The following ZNF428 variants were observed in gnomAD, a reference collection of about 807,000 sequenced individuals.
ZNF428 encodes enzyme-like protein PIT13.
ZNF428 carries 5 observed loss-of-function variants against 15.6 expected under a neutral mutation model. The ratio of observed to expected loss-of-function variants is 0.32; its 90% CI spans 0.17 to 0.67. ZNF428 has a LOEUF of 0.67. ZNF428 is among the 30% of genes least tolerant of loss of function. The pLI, the probability that ZNF428 is intolerant of heterozygous loss-of-function variation, is 0.73. For synonymous variants in ZNF428, 97 were observed against 102.2 expected (o/e 0.95, Z 0.31); for missense variants, 237 against 256.0 (o/e 0.93, Z 0.51).
In ZNF428 at chr19:43,612,408, C is replaced by T. The variant is rs775290946; in HGVS notation, c.76+1821G>A. The T allele has an allele frequency of 5.2e-6, 8 of 1,551,526 alleles. No homozygotes were observed. Among genetic ancestry groups the T allele is most frequent in the South Asian group, 2.4e-5 (2 of 84,054 alleles). ...GCAAGAACACCCAGCAGGGTGAGCA[C>T]CGACACCAGGACCAGCAAAGCCAGC... On this transcript the variant is annotated intron_variant, in intron 2 of 2. Transcript: ENST00000300811. The surrounding 1 kb of genome is among the most constrained non-coding windows in gnomAD (Gnocchi z 4.2).
intron 2 of ZNF428, among the ~76,000 whole-genome samples, chr19:43,610,119 C>T (rs1379042524): frequency 6.6e-6 from 1 of 151,950 alleles, no homozygotes; most frequent in Non-Finnish European, 1.5e-5. Flanking sequence ...CTCTCCATTC[C>T]ATGTCTCTTC....
At chr19:43,618,566 CTT>C (rs551668437) in intron 1 of ZNF428, among the ~76,000 whole-genome samples, 2,197 of 98,294 alleles carry the variant, frequency 0.022, 16 homozygotes, top group African/African-American at 0.079. Flanking sequence ...TTAATTTTTA[CTT>C]TTTTTTTTTT....
At chr19:43,614,825 T>C (rs1973355700) in intron 1 of ZNF428, among the ~76,000 whole-genome samples, 1 of 152,190 alleles carries the variant, frequency 6.6e-6, no homozygotes, top group Non-Finnish European at 1.5e-5. Context: ...CTCGAACTCC[T>C]GACCTCAGGT....
At chr19:43,608,161 C>A in intron 2 of ZNF428, 54 bp from the exon 3 acceptor site, 1 of 1,558,354 alleles carries the variant, frequency 6.4e-7, no homozygotes. Context: ...GAGGGCTAGG[C>A]CAAGCTGTCC....
chr19:43,613,947 G>C (rs1422292971), intron 2 of ZNF428: 2 of 1,551,680 alleles, frequency 1.3e-6, no homozygotes, highest in Non-Finnish European at 1.7e-6. Context: ...AGTCGACCTA[G>C]AGCCTCCAGC....
intron 2 of ZNF428, chr19:43,613,833 G>A (rs181599936): frequency 1.2e-3 from 1,850 of 1,549,412 alleles, no homozygotes; most frequent in Non-Finnish European, 1.4e-3. Context: ...GATCGCAGAC[G>A]ATGGAGAAGC....
intron 1 of ZNF428, 130 bp downstream of exon 1, chr19:43,619,428 G>C (rs1001894451): frequency 6.6e-6 from 1 of 152,280 alleles, no homozygotes; most frequent in African/African-American, 2.4e-5. Context: ...GGGAGAAAAA[G>C]AAGCCCTCGG....
intron 2 of ZNF428, chr19:43,613,729 T>C (rs1973337094): frequency 1.3e-6 from 2 of 1,551,136 alleles, no homozygotes; most frequent in East Asian, 2.4e-5. Context: ...GCAGACAATC[T>C]AGAAGCCCCA....
Position 43,608,022 on chromosome 19 carries a change from C to T in ZNF428, c.162G>A (p.Glu54=), listed in dbSNP as rs1194685175. 1.2e-6 allele frequency: 2 copies of T among 1,613,566 alleles called. No individual in the cohort carries two copies. The highest frequency in any genetic ancestry group is 2.2e-5 in the East Asian group (1 of 44,880). The change falls in exon 3 of 3, where the codon GAG becomes GAA. Residue 54 remains glutamate, a synonymous_variant. Transcript: ENST00000300811. The stretch of plus-strand genomic sequence containing the variant: ...GATCATATTCAGGATCGTCAGTGGT[C>T]TCCTCTTCCTCCTCCTCCTCATCTT... ...EEEDEEEEEE[E]TTDDPEYDPG...
rs889564355 is a variant in ZNF428, at chr19:43,619,032, A to G, written c.-131+526T>C. Reference sequence around the variant, plus strand: ...CAAACACAGTGCTGGAGACCCCACAATGCCCTGGGCCTATAGCAGTCAATT... The same window carrying G: ...CAAACACAGTGCTGGAGACCCCACAGTGCCCTGGGCCTATAGCAGTCAATT... On this transcript the variant is annotated intron_variant, in intron 1 of 2. Coordinates refer to ENST00000300811, the MANE Select transcript of ZNF428 (RefSeq NM_182498.4). Among the ~76,000 whole-genome samples, 4 of 152,166 alleles carry G rather than the reference A, an allele frequency of 2.6e-5. No homozygotes were observed. In the South Asian group the frequency reaches 8.3e-4, roughly 32 times the overall value.
At chr19:43,618,057 C>T (rs1973390547) in intron 1 of ZNF428, among the ~76,000 whole-genome samples, 1 of 89,806 alleles carries the variant, frequency 1.1e-5, no homozygotes. Flanking sequence ...TTTTTTGAGA[C>T]GGAGTCTTGC....
At chr19:43,608,843 G>A (rs1021237807) in intron 2 of ZNF428, among the ~76,000 whole-genome samples, 6 of 149,902 alleles carry the variant, frequency 4.0e-5, no homozygotes, top group Non-Finnish European at 7.4e-5. Flanking sequence ...CAGGAGAACT[G>A]CTTCAACCCA....
chr19:43,611,826 G>A lies in ZNF428; in HGVS notation c.76+2403C>T, dbSNP rs73935012. Among the ~76,000 whole-genome samples, 798 of 152,314 alleles carry A rather than the reference G, an allele frequency of 5.2e-3. 6 individuals carry two copies. Among genetic ancestry groups the A allele is most frequent in the African/African-American group, 0.018 (769 of 41,570 alleles). The stretch of plus-strand genomic sequence containing the variant: ...ACCCACTGACTATGGGCTCCTTGAA[G>A]GCAGGGCCTGGGTCTGCCCCATCTC... On this transcript the variant is annotated intron_variant, in intron 2 of 2. Coordinates refer to ENST00000300811, the MANE Select transcript of ZNF428 (RefSeq NM_182498.4).
intron 1 of ZNF428, among the ~76,000 whole-genome samples, chr19:43,615,037 G>A (rs967144043): frequency 7.2e-5 from 11 of 152,098 alleles, no homozygotes; most frequent in Non-Finnish European, 8.8e-5. Flanking sequence ...AGAGTGGAGC[G>A]GGACGGATAC....
chr19:43,618,247 A>T (rs560253719), intron 1 of ZNF428, among the ~76,000 whole-genome samples: 2 of 150,890 alleles, frequency 1.3e-5, no homozygotes, highest in South Asian at 2.1e-4. Flanking sequence ...GTTAGCCAGG[A>T]TGATCTCGAT....
rs954584002 is a variant in ZNF428 at position 43,608,959 on chromosome 19, T to A, written c.77-852A>T. On this transcript the variant is annotated intron_variant, in intron 2 of 2. Coordinates refer to ENST00000300811, the MANE Select transcript of ZNF428 (RefSeq NM_182498.4). ...AAAAAGCAAAAAAAAAAAAAAAAAA[T>A]TATTTGATTCTTTCGATTGATTGCA... is the stretch of plus-strand genomic sequence containing the variant. Among the ~76,000 whole-genome samples, 86 of 145,668 alleles carry A rather than the reference T, an allele frequency of 5.9e-4. 1 individual carries two copies. The highest frequency in any genetic ancestry group is 1.8e-3 in the African/African-American group (69 of 39,140).
rs1399969565 is a variant in ZNF428, at chr19:43,612,808, G to A, written c.76+1421C>T. The A allele has an allele frequency of 2.6e-6, 4 of 1,551,466 alleles. No individual in the cohort carries two copies. Among genetic ancestry groups the A allele is most frequent in the African/African-American group, 1.4e-5 (1 of 73,056 alleles). On this transcript the variant is annotated intron_variant, in intron 2 of 2. Transcript: ENST00000300811. This position sits in a 1 kb window ranked among gnomAD's most constrained non-coding sequence, Gnocchi z 4.2. ...CCCCGACTGGAATTCCCTCCAAGGA[G>A]AAGAGTGACAACCCATCTCCATCCT...
intron 1 of ZNF428, among the ~76,000 whole-genome samples, chr19:43,616,152 G>A (rs1015483660): frequency 2.0e-5 from 3 of 152,194 alleles, no homozygotes; most frequent in Non-Finnish European, 4.4e-5. Flanking sequence ...GCCAGGAACT[G>A]TGGATGAAAA....
In ZNF428 at chr19:43,614,283, C is replaced by A; in HGVS notation, c.22G>T (p.Ala8Ser). Residue 8 changes from alanine to serine, a missense_variant, in exon 2 of 3, where the codon GCT (alanine) becomes TCT (serine). Ala to Ser is a moderately conservative substitution (Grantham distance 99). Transcript: ENST00000300811. ...AAGCTGGCGTAGCCCCCAGTCTCAG[C>A]TGGCTCACGGGTCTCTGTCATGACC... MTETREP[A>S]ETGGYASLEE... 6.2e-7 allele frequency: 1 copy of A among 1,611,690 alleles called. No individual in the cohort carries two copies. Among genetic ancestry groups the A allele is most frequent in the Non-Finnish European group, 8.5e-7 (1 of 1,178,582 alleles).
Sources: allele counts gnomAD v4.1 joint callset (sites outside exome capture counted in the v4.1 genomes callset), GRCh38; gene constraint gnomAD v4.1.1; non-coding constraint Gnocchi (gnomAD v3.1); transcripts MANE v1.5; gene names NCBI Gene and HGNC (gene_info 2026-07-23, HGNC 2026-07-21).